The following RIMS1 variants were observed in gnomAD, a reference collection of about 807,000 sequenced individuals.
The protein encoded by RIMS1 is regulating synaptic membrane exocytosis protein 1.
In RIMS1, 83 loss-of-function variants were observed where a neutral mutation model predicts 214.1. The observed-to-expected ratio is 0.39, with a 90% confidence interval of 0.32 to 0.47. The LOEUF is 0.47. Among genes scored for constraint, RIMS1 ranks in the 20% least tolerant of loss-of-function variants. RIMS1 has a pLI of 0.99. For missense variants in RIMS1, 2,050 were observed against 2,161.8 expected (o/e 0.95, Z 1.03); for synonymous variants, 793 against 786.8 (o/e 1.01, Z -0.13).
At position 72,264,974 on chromosome 6, in the gene RIMS1, G is replaced by A. The variant is rs868801085; in HGVS notation, c.3117-1G>A. 6.3e-7 allele frequency: 1 copy of A among 1,578,712 alleles called. No homozygotes were observed. Among genetic ancestry groups the A allele is most frequent in the South Asian group, 1.2e-5 (1 of 86,150 alleles). ...TGCGTGTTTGTGTTGCTACGTTCCA[G>A]ACATCTTGTTAGGCACTATAAAACA... On this transcript the variant is annotated splice_acceptor_variant, in intron 19 of 33. Transcript: ENST00000521978. LOFTEE classifies it high-confidence loss of function.
chr6:72,194,578 A>G lies in RIMS1; in HGVS notation c.1678+11429A>G, dbSNP rs533720055. On this transcript the variant is annotated intron_variant, in intron 6 of 33. Transcript: ENST00000521978. ...AGGAATAATTACACAATAAAATACA[A>G]CTTGATAAATGCCTCAAAGGGACAT... 6.6e-5 allele frequency among the ~76,000 whole-genome samples: 10 copies of G among 152,308 alleles called. No homozygotes were observed. The South Asian group carries it at 2.1e-3, about 32-fold the overall frequency.
intron 2 of RIMS1, among the ~76,000 whole-genome samples, chr6:72,030,795 C>A (rs1817861824): frequency 6.6e-6 from 1 of 152,046 alleles, no homozygotes; most frequent in Admixed American, 6.6e-5. Context: ...CTTTCAATTG[C>A]TAACTTTTAT....
At chr6:72,224,957 C>T (rs1041287246) in intron 6 of RIMS1, among the ~76,000 whole-genome samples, 4 of 152,072 alleles carry the variant, frequency 2.6e-5, no homozygotes, top group Non-Finnish European at 5.9e-5. Context: ...AACAACAATG[C>T]GAAGGCATAA....
In RIMS1 at chr6:72,356,163, G is replaced by T. The variant is rs80103844; in HGVS notation, c.4366+22328G>T. On this transcript the variant is annotated intron_variant, in intron 29 of 33. Coordinates refer to ENST00000521978, the MANE Select transcript of RIMS1 (RefSeq NM_014989.7). ...TTTATGCTGACAACTGACCTTAACG[G>T]TATCTTTAGAACATAATTATTTCCT... Among the ~76,000 whole-genome samples, 1,141 of 152,144 alleles carry T rather than the reference G, an allele frequency of 7.5e-3. 15 individuals carry two copies. Among genetic ancestry groups the T allele is most frequent in the African/African-American group, 0.026 (1,092 of 41,502 alleles).
At position 72,248,001 on chromosome 6, in the gene RIMS1, T is replaced by C. The variant is rs1474033329; in HGVS notation, c.2129-14T>C. 1.9e-6 allele frequency: 3 copies of C among 1,543,784 alleles called. No individual in the cohort carries two copies. The highest frequency in any genetic ancestry group is 4.5e-5 in the East Asian group (2 of 44,446). On this transcript the variant is annotated splice_polypyrimidine_tract_variant and intron_variant, in intron 11 of 33. Coordinates refer to ENST00000521978, the MANE Select transcript of RIMS1 (RefSeq NM_014989.7). ...ACACTTACAAATATTACTTACTTTT[T>C]TTTCTCATTTTAGGTTCAAGTTCCT...
intron 4 of RIMS1, among the ~76,000 whole-genome samples, chr6:72,142,342 G>C (rs947393149): frequency 6.6e-6 from 1 of 151,816 alleles, no homozygotes; most frequent in African/African-American, 2.4e-5. Flanking sequence ...TTTTTTCCTT[G>C]GAACAAAATA....
chr6:72,036,142 G>T (rs775646017), intron 2 of RIMS1, among the ~76,000 whole-genome samples: 31 of 152,240 alleles, frequency 2.0e-4, no homozygotes, highest in African/African-American at 7.0e-4. Flanking sequence ...TAGTCTCTTA[G>T]CATGACTGTG....
At chr6:72,345,636 A>G (rs930670029) in intron 29 of RIMS1, among the ~76,000 whole-genome samples, 1 of 151,830 alleles carries the variant, frequency 6.6e-6, no homozygotes, top group Non-Finnish European at 1.5e-5. Context: ...GCATAGATTT[A>G]TAATATTTAA....
At chr6:71,896,804 T>C (rs1437836062) in intron 1 of RIMS1, among the ~76,000 whole-genome samples, 4 of 152,132 alleles carry the variant, frequency 2.6e-5, no homozygotes, top group African/African-American at 9.7e-5. Flanking sequence ...TATTTTATCT[T>C]CTCTTGAATC....
intron 6 of RIMS1, among the ~76,000 whole-genome samples, chr6:72,191,567 A>G (rs2463718): frequency 0.98 from 148,806 of 152,334 alleles, 72,762 homozygotes; most frequent in East Asian, 1. Context: ...ATGACACAAA[A>G]CCAGAGAGTT....
chr6:72,216,401 C>A, intron 6 of RIMS1: 1 of 978,002 alleles, frequency 1.0e-6, no homozygotes, highest in Non-Finnish European at 1.2e-6. Context: ...TCCTTTTGCC[C>A]TCTGGAGATG....
intron 2 of RIMS1, among the ~76,000 whole-genome samples, chr6:72,044,138 A>G (rs1423867983): frequency 6.6e-6 from 1 of 151,760 alleles, no homozygotes; most frequent in Non-Finnish European, 1.5e-5. Context: ...ATGCTAAAGT[A>G]ATTAAATAGA....
At chr6:71,911,193 T>C (rs1333245132) in intron 1 of RIMS1, among the ~76,000 whole-genome samples, 1 of 152,180 alleles carries the variant, frequency 6.6e-6, no homozygotes, top group Non-Finnish European at 1.5e-5. Context: ...TGTTGGCTTA[T>C]GTTTTAAGGG....
chr6:72,332,682 TA>T (rs745643840), intron 28 of RIMS1, among the ~76,000 whole-genome samples: 2,512 of 125,812 alleles, frequency 0.02, 28 homozygotes, highest in African/African-American at 0.042. Context: ...ACTTAAAGTA[TA>T]AAAAAAAAAA....
chr6:72,369,579 C>T (rs1194439402), intron 29 of RIMS1, among the ~76,000 whole-genome samples: 1 of 152,208 alleles, frequency 6.6e-6, no homozygotes, highest in Non-Finnish European at 1.5e-5. Context: ...GAAGCCTGGA[C>T]TCTGCTCTTA....
rs547171253 is a variant in RIMS1, at chr6:72,171,370, A to G, written c.472-8205A>G. Among the ~76,000 whole-genome samples the G allele has an allele frequency of 1.8e-3, 267 of 150,926 alleles. 1 individual carries two copies. The highest frequency in any genetic ancestry group is 6.1e-3 in the African/African-American group (251 of 41,222). ...TACGTGTGTGTGTGTATATATATATATGTGTATATATATATGCACACATAC... is the reference window on the plus strand; with the variant it reads ...TACGTGTGTGTGTGTATATATATATGTGTGTATATATATATGCACACATAC... On this transcript the variant is annotated intron_variant, in intron 4 of 33. Transcript: ENST00000521978.
At chr6:72,070,541 C>T (rs1461421931) in intron 2 of RIMS1, among the ~76,000 whole-genome samples, 1 of 152,120 alleles carries the variant, frequency 6.6e-6, no homozygotes, top group Admixed American at 6.5e-5. Flanking sequence ...AGACATTCTT[C>T]AAAAGAAATT....
intron 4 of RIMS1, among the ~76,000 whole-genome samples, chr6:72,150,581 C>G (rs185061839): frequency 1.3e-5 from 2 of 152,316 alleles, no homozygotes; most frequent in African/African-American, 4.8e-5. Flanking sequence ...ATCATAGATA[C>G]AGGTTATTGT....
At chr6:71,938,018 A>G (rs372534567) in intron 1 of RIMS1, among the ~76,000 whole-genome samples, 19 of 152,328 alleles carry the variant, frequency 1.2e-4, no homozygotes, top group East Asian at 3.9e-4. Context: ...GAAATCAGAC[A>G]TGTTGTCTAC....
Sources: gnomAD v4.1 joint callset for allele counts (sites outside exome capture counted in the v4.1 genomes callset) on GRCh38, gnomAD v4.1.1 for gene constraint, MANE v1.5 for transcripts, NCBI Gene and HGNC (gene_info 2026-07-23, HGNC 2026-07-21) for gene names.